Variants in SAFB2 observed in about 807,000 individuals in gnomAD.
SAFB2 encodes scaffold attachment factor B2.
In SAFB2, 32 loss-of-function variants were observed where a neutral mutation model predicts 100.6. The observed-to-expected ratio is 0.32, with a 90% CI of 0.24 to 0.43. The LOEUF is 0.43. Among genes scored for constraint, SAFB2 ranks in the 20% least tolerant of loss-of-function variants. The pLI, the probability that SAFB2 is intolerant of heterozygous loss-of-function variation, is 1.00. For synonymous variants in SAFB2, 500 were observed against 439.4 expected (o/e 1.14, Z -1.72); for missense variants, 1,185 against 1,163.4 (o/e 1.02, Z -0.27).
chr19:5,600,457 T>C (rs1172985118), intron 11 of SAFB2, among the ~76,000 whole-genome samples, 197 bp from the exon 12 acceptor site: 2 of 152,190 alleles, frequency 1.3e-5, no homozygotes. Context: ...TTCCCACTTC[T>C]AGTATGTGCT....
At chr19:5,593,144 C>G (rs1032513533) in intron 15 of SAFB2, among the ~76,000 whole-genome samples, 3 of 152,224 alleles carry the variant, frequency 2.0e-5, no homozygotes, top group Non-Finnish European at 4.4e-5. Flanking sequence ...CTCATTGTCT[C>G]GTGAGGCTGT....
In SAFB2 at chr19:5,600,265, T is replaced by G; in HGVS notation, c.1560-5A>C. ...TCTTCCTTCTTAATTACAGTTCTAT[T>G]TAAAGACATGGTTATCAAATTTGAG... On this transcript the variant is annotated splice_polypyrimidine_tract_variant and splice_region_variant and intron_variant, in intron 11 of 20. Transcript: ENST00000252542. 6.2e-7 allele frequency: 1 copy of G among 1,611,068 alleles called. No homozygotes were observed. Among genetic ancestry groups the G allele is most frequent in the Non-Finnish European group, 8.5e-7 (1 of 1,179,238 alleles).
intron 13 of SAFB2, among the ~76,000 whole-genome samples, chr19:5,597,477 A>T (rs2052557158): frequency 6.6e-6 from 1 of 152,186 alleles, no homozygotes; most frequent in Non-Finnish European, 1.5e-5. Flanking sequence ...AAAAAAGCCA[A>T]ACCGTATGTG....
intron 12 of SAFB2, among the ~76,000 whole-genome samples, chr19:5,599,132 C>A (rs2052599111): frequency 6.6e-6 from 1 of 152,160 alleles, no homozygotes. Context: ...CAGCTTAAAC[C>A]TGCAGCACGC....
intron 18 of SAFB2, among the ~76,000 whole-genome samples, chr19:5,589,901 G>A (rs1599222758): frequency 6.6e-6 from 1 of 152,204 alleles, no homozygotes; most frequent in African/African-American, 2.4e-5. Context: ...GAAGACACGT[G>A]TCAAGAGGCA....
In SAFB2 at chr19:5,622,591, A is replaced by T. The variant is rs1166932458; in HGVS notation, c.125T>A (p.Leu42Gln). ...ELRVIDLRAE[L>Q]KKRNLDTGGN... The stretch of plus-strand genomic sequence containing the variant: ...GCCCGTGTCCAGGTTCCGCTTCTTC[A>T]GCTCCGCCCGCAGATCGATCACCCG... Residue 42 changes from leucine (L) to glutamine (Q), a missense_variant, in exon 1 of 21, where the codon CTG becomes CAG. Physicochemically the swap from Leu to Gln is moderately radical, Grantham distance 113 (BLOSUM62 -2). This residue lies in a region of SAFB2 where 351 missense variants were observed against 341.2 expected (regional missense o/e 1.03). Coordinates refer to ENST00000252542, the MANE Select transcript of SAFB2 (RefSeq NM_014649.3). The T allele has an allele frequency of 6.2e-7, 1 of 1,612,838 alleles. No homozygotes were observed. The highest frequency in any genetic ancestry group is 1.1e-5 in the South Asian group (1 of 91,034).
chr19:5,602,182 A>AGG (rs1399616992), intron 11 of SAFB2, among the ~76,000 whole-genome samples: 9 of 152,082 alleles, frequency 5.9e-5, no homozygotes, highest in Non-Finnish European at 1.3e-4. Flanking sequence ...GTTTGGTCTT[A>AGG]AAGATCTTAA....
chr19:5,590,194 C>A (rs1192859789), intron 18 of SAFB2, 84 bp downstream of exon 18: 4 of 1,274,834 alleles, frequency 3.1e-6, no homozygotes, highest in Non-Finnish European at 4.2e-6. Flanking sequence ...CTGAATCAAA[C>A]CTTGGGGACG....
chr19:5,593,436 G>C (rs1009488447), intron 15 of SAFB2, among the ~76,000 whole-genome samples: 8 of 152,196 alleles, frequency 5.3e-5, no homozygotes, highest in Admixed American at 5.2e-4. Context: ...GGTAGCTAGA[G>C]ACCAATAAAC....
chr19:5,587,376 C>T lies in SAFB2; in HGVS notation c.2729G>A (p.Gly910Glu), dbSNP rs2052277918. The change falls in exon 21 of 21, where the codon GGA becomes GAA. Residue 910 changes from glycine (G) to glutamate (E), a missense_variant. Around this residue, in one of 3 missense-constraint regions of SAFB2, gnomAD observed 740 missense variants for 687.1 expected, o/e 1.08. Coordinates refer to ENST00000252542, the MANE Select transcript of SAFB2 (RefSeq NM_014649.3). The surrounding 1 kb of genome is among the most constrained non-coding windows in gnomAD (Gnocchi z 4.9). Reference sequence around the variant, plus strand: ...TGGCACCACGTGGCCCTGGGAATGTCCACCTTGTGCAAAGCCGCCTCGCCT... The same window carrying T: ...TGGCACCACGTGGCCCTGGGAATGTTCACCTTGTGCAAAGCCGCCTCGCCT... ...VAGRGGFAQG[G>E]HSQGHVVPGG... is the part of the protein sequence containing the mutation. 1 of 1,612,740 alleles carries T rather than the reference C, an allele frequency of 6.2e-7. No individual in the cohort carries two copies. Among genetic ancestry groups the T allele is most frequent in the Admixed American group, 1.7e-5 (1 of 59,822 alleles).
At chr19:5,589,876 G>C (rs1383909598) in intron 18 of SAFB2, among the ~76,000 whole-genome samples, 1 of 152,176 alleles carries the variant, frequency 6.6e-6, no homozygotes, top group Non-Finnish European at 1.5e-5. Context: ...CTGGGGGTCA[G>C]AGAAAAAACC....
chr19:5,610,494 G>A (rs2052885583), intron 8 of SAFB2, 145 bp downstream of exon 8: 2 of 668,436 alleles, frequency 3.0e-6, no homozygotes, highest in Non-Finnish European at 5.3e-6. Flanking sequence ...TCTAAAACTA[G>A]TCTCTCAAGA....
intron 13 of SAFB2, among the ~76,000 whole-genome samples, chr19:5,596,262 CAAAT>C (rs768680126): frequency 3.9e-5 from 6 of 152,182 alleles, no homozygotes; most frequent in Non-Finnish European, 7.3e-5. Flanking sequence ...GACTCCGTCT[CAAAT>C]AAATAAAGAG....
chr19:5,602,061 G>T (rs1279786552), intron 11 of SAFB2, among the ~76,000 whole-genome samples: 1 of 152,092 alleles, frequency 6.6e-6, no homozygotes, highest in Non-Finnish European at 1.5e-5. Flanking sequence ...CACTAATCTA[G>T]AAATCCTTCA....
At chr19:5,610,267 A>G (rs180712362) in intron 8 of SAFB2, 172 bp from the exon 9 acceptor site, 13 of 613,368 alleles carry the variant, frequency 2.1e-5, no homozygotes, top group African/African-American at 5.5e-5. Flanking sequence ...AAATCTGGAC[A>G]GCAAAAACTG....
chr19:5,605,065 T>C, intron 9 of SAFB2, 129 bp from the exon 10 acceptor site: 2 of 1,090,280 alleles, frequency 1.8e-6, no homozygotes, highest in Non-Finnish European at 2.6e-6. Context: ...TCCATTTTAG[T>C]TACTGAATTG....
chr19:5,587,159 A>C lies in SAFB2; in HGVS notation c.*84T>G. 6.4e-7 allele frequency: 1 copy of C among 1,560,724 alleles called. No individual in the cohort carries two copies. Among genetic ancestry groups the C allele is most frequent in the Non-Finnish European group, 8.7e-7 (1 of 1,147,386 alleles). On this transcript the variant is annotated 3_prime_UTR_variant, in exon 21 of 21. Transcript: ENST00000252542. The surrounding 1 kb of genome is among the most constrained non-coding windows in gnomAD (Gnocchi z 4.9). Reference sequence around the variant, plus strand: ...GGTGGCAGGATTTACTTTGCTTTTAAAAAGATCCCCCAAGTTCGAGGGAAC... The same window carrying C: ...GGTGGCAGGATTTACTTTGCTTTTACAAAGATCCCCCAAGTTCGAGGGAAC...
chr19:5,603,603 T>C (rs1568218158), intron 11 of SAFB2, among the ~76,000 whole-genome samples: 1 of 152,348 alleles, frequency 6.6e-6, no homozygotes, highest in African/African-American at 2.4e-5. Flanking sequence ...CTCAGACCCA[T>C]GGTTCCCAAC....
intron 8 of SAFB2, 118 bp from the exon 9 acceptor site, chr19:5,610,213 T>A (rs1369864828): frequency 2.6e-5 from 20 of 773,080 alleles, no homozygotes; most frequent in Non-Finnish European, 4.4e-5. Flanking sequence ...ACTGCTGACT[T>A]AAGAATTTAA....
Sources: gnomAD v4.1 joint callset for allele counts (sites outside exome capture counted in the v4.1 genomes callset) on GRCh38, gnomAD v4.1.1 for gene constraint, gnomAD v4.1.1 regional missense constraint, Gnocchi (gnomAD v3.1) non-coding constraint, MANE v1.5 for transcripts, NCBI Gene and HGNC (gene_info 2026-07-23, HGNC 2026-07-21) for gene names.